C12orf56: variants seen among roughly 807,000 people sequenced by gnomAD.
The protein encoded by C12orf56 is chromosome 12 open reading frame 56.
C12orf56 carries 71 observed loss-of-function variants against 69.9 expected under a neutral mutation model. The ratio of observed to expected loss-of-function variants is 1.02; its 90% CI spans 0.84 to 1.24. The LOEUF (loss-of-function observed/expected upper bound fraction) is 1.24, where lower values mean the gene tolerates loss of function less well. Among genes scored for constraint, C12orf56 ranks in the 50% most tolerant of loss-of-function variants. The pLI is 0.00. For synonymous variants in C12orf56, 276 were observed against 274.1 expected, an observed-to-expected ratio of 1.01 and a Z score of -0.07; for missense variants, 732 against 738.5, an observed-to-expected ratio of 0.99 and a Z score of 0.10.
rs772386746 is a variant in C12orf56 at position 64,303,625 on chromosome 12, A to G, written c.1113+10T>C. ...AACTTTAAAGATTAAAAATAAAACA[A>G]AACACTTACCTTCCAGAAAAGCCTT... On this transcript the variant is annotated intron_variant, in intron 6 of 12. Coordinates refer to ENST00000543942, the MANE Select transcript of C12orf56 (RefSeq NM_001170633.2). 2.3e-5 allele frequency: 35 copies of G among 1,523,220 alleles called. No homozygotes were observed. The highest frequency in any genetic ancestry group is 3.1e-5 in the Non-Finnish European group (35 of 1,140,242). 94.4% of individuals were successfully genotyped at this position (1,523,220 alleles called of 1,614,324 possible).
chr12:64,275,203 CAT>C (rs1449834137), intron 10 of C12orf56, 93 bp downstream of exon 10: 17 of 721,350 alleles, frequency 2.4e-5, no homozygotes, highest in Non-Finnish European at 3.3e-5. Flanking sequence ...AATCATATAA[CAT>C]AATCACATAA....
At chr12:64,319,115 A>T (rs1375042645) in intron 3 of C12orf56, 135 bp from the exon 4 acceptor site, 1 of 818,436 alleles carries the variant, frequency 1.2e-6, no homozygotes, top group East Asian at 2.8e-5. Context: ...AAGTCATTGA[A>T]CCTCGCTGGT....
chr12:64,310,046 C>T (rs2038585905), intron 5 of C12orf56, among the ~76,000 whole-genome samples: 2 of 150,638 alleles, frequency 1.3e-5, no homozygotes, highest in African/African-American at 2.4e-5. Context: ...TAGAAATGGT[C>T]TCTCTCTGTC....
chr12:64,333,391 T>C (rs1038301086), intron 2 of C12orf56, among the ~76,000 whole-genome samples: 2 of 152,164 alleles, frequency 1.3e-5, no homozygotes, highest in Non-Finnish European at 2.9e-5. Context: ...CTAACCAAAC[T>C]TGAATTCTCT....
intron 11 of C12orf56, among the ~76,000 whole-genome samples, chr12:64,274,269 G>A (rs1242814208): frequency 6.6e-6 from 1 of 152,184 alleles, no homozygotes; most frequent in Non-Finnish European, 1.5e-5. Flanking sequence ...GGAGAGGGAT[G>A]GTGAGCAAGA....
At chr12:64,280,012 A>G (rs567422890) in intron 8 of C12orf56, among the ~76,000 whole-genome samples, 4 of 149,904 alleles carry the variant, frequency 2.7e-5, no homozygotes, top group African/African-American at 9.7e-5. Flanking sequence ...CTATGATAAC[A>G]TATGAATTCA....
chr12:64,367,501 G>C (rs913753249), intron 1 of C12orf56, among the ~76,000 whole-genome samples: 2 of 150,934 alleles, frequency 1.3e-5, no homozygotes, highest in African/African-American at 2.4e-5. Flanking sequence ...AACGTTTAAG[G>C]AGAGATACTC....
At chr12:64,364,979 C>T (rs2135964509) in intron 1 of C12orf56, among the ~76,000 whole-genome samples, 1 of 152,154 alleles carries the variant, frequency 6.6e-6, no homozygotes, top group East Asian at 1.9e-4. Context: ...AAATTCTATC[C>T]TTGTGGCCAG....
At chr12:64,356,185 A>C (rs11175354) in intron 1 of C12orf56, among the ~76,000 whole-genome samples, 57,636 of 133,560 alleles carry the variant, frequency 0.43, 12,581 homozygotes, top group Non-Finnish European at 0.53. Flanking sequence ...AAAAAAAAAA[A>C]AAAAAAAAAA....
chr12:64,339,920 C>A (rs1248446230), intron 2 of C12orf56, among the ~76,000 whole-genome samples: 1 of 151,834 alleles, frequency 6.6e-6, no homozygotes, highest in Non-Finnish European at 1.5e-5. Context: ...CCCAATGTGT[C>A]CAGGTGGATA....
intron 6 of C12orf56, among the ~76,000 whole-genome samples, chr12:64,300,882 C>T (rs949773572): frequency 2.6e-5 from 4 of 152,190 alleles, no homozygotes; most frequent in African/African-American, 9.7e-5. Flanking sequence ...TGTGTTCCCA[C>T]CCAAATCTCA....
chr12:64,286,206 C>A, intron 6 of C12orf56, 146 bp from the exon 7 acceptor site: 3 of 582,164 alleles, frequency 5.2e-6, no homozygotes, highest in Non-Finnish European at 8.9e-6. Flanking sequence ...ACTAGCATAA[C>A]CCAAATTGGA....
chr12:64,374,118 A>C (rs1034925472), intron 1 of C12orf56, among the ~76,000 whole-genome samples: 3 of 152,228 alleles, frequency 2.0e-5, no homozygotes, highest in Non-Finnish European at 2.9e-5. Flanking sequence ...GAATCTATGA[A>C]TATTGCTGGC....
chr12:64,299,498 T>C (rs1478235980), intron 6 of C12orf56, among the ~76,000 whole-genome samples: 1 of 152,174 alleles, frequency 6.6e-6, no homozygotes, highest in Non-Finnish European at 1.5e-5. Context: ...TCATGAAAGC[T>C]TCATTTTTAG....
intron 5 of C12orf56, among the ~76,000 whole-genome samples, chr12:64,308,916 G>GAA (rs555194039): frequency 1.7e-5 from 1 of 57,918 alleles, no homozygotes; most frequent in Non-Finnish European, 3.4e-5. Context: ...AAGAAAGAAA[G>GAA]AAAGAAAGAA....
At chr12:64,334,920 T>C (rs1041938513) in intron 2 of C12orf56, among the ~76,000 whole-genome samples, 6 of 152,166 alleles carry the variant, frequency 3.9e-5, no homozygotes, top group Non-Finnish European at 8.8e-5. Context: ...CTGTGTCTAT[T>C]TAAATGTAAA....
chr12:64,328,698 AAAAAAAAAATATATATATATATAT>A (rs1253077922), intron 3 of C12orf56, among the ~76,000 whole-genome samples: 19 of 20,888 alleles, frequency 9.1e-4, no homozygotes, highest in African/African-American at 2.5e-3. Flanking sequence ...AAAAAAAAAA[AAAAAAAAAATATATATATATATAT>A]ATATATATAT....
At chr12:64,338,042 A>C (rs971710641) in intron 2 of C12orf56, 4 of 273,244 alleles carry the variant, frequency 1.5e-5, no homozygotes, top group South Asian at 1.0e-4. Flanking sequence ...ACAGAGGGGC[A>C]TCACTGATAA....
At chr12:64,359,968 G>A (rs1182846826) in intron 1 of C12orf56, among the ~76,000 whole-genome samples, 2 of 151,992 alleles carry the variant, frequency 1.3e-5, no homozygotes, top group Non-Finnish European at 2.9e-5. Context: ...GCCCACCTTG[G>A]CCTCCCAAAG....
Sources: allele counts gnomAD v4.1 joint callset (sites outside exome capture counted in the v4.1 genomes callset), GRCh38; gene constraint gnomAD v4.1.1; transcripts MANE v1.5; gene names NCBI Gene and HGNC (gene_info 2026-07-23, HGNC 2026-07-21).